NCKAP5: variants seen among roughly 807,000 people sequenced by gnomAD.
NCKAP5 encodes nck-associated protein 5.
Under a neutral mutation model 167.0 loss-of-function variants are expected in NCKAP5, and 92 were observed. The observed-to-expected ratio is 0.55, with a 90% confidence interval of 0.47 to 0.66. The LOEUF is 0.66. Among genes scored for constraint, NCKAP5 ranks in the 30% least tolerant of loss-of-function variants. The pLI is 0.00. For missense variants in NCKAP5, 2,378 were observed against 2,315.0 expected (o/e 1.03, Z -0.56); for synonymous variants, 891 against 877.4 (o/e 1.02, Z -0.27).
intron 6 of NCKAP5, among the ~76,000 whole-genome samples, chr2:133,035,335 C>G (rs1395571528): frequency 6.6e-6 from 1 of 151,974 alleles, no homozygotes; most frequent in African/African-American, 2.4e-5. Flanking sequence ...GCCCCACTTT[C>G]AGCAATGGAC....
chr2:133,425,676 T>C (rs536071715), intron 3 of NCKAP5, among the ~76,000 whole-genome samples: 2 of 152,306 alleles, frequency 1.3e-5, no homozygotes, highest in East Asian at 1.9e-4. Flanking sequence ...AAACAGAAGA[T>C]GCATATTATT....
At position 132,672,134 on chromosome 2, in the gene NCKAP5, A is replaced by C. The variant is rs1441266993; in HGVS notation, c.*1155T>G. On this transcript the variant is annotated 3_prime_UTR_variant, in exon 20 of 20. Coordinates refer to ENST00000409261, the MANE Select transcript of NCKAP5 (RefSeq NM_207363.3). ...TTTGTAGAAAAAAAAGGATATTAAA[A>C]AGAATTCTTCGTAGCACCATTAATT... 3 of 152,668 alleles carry C rather than the reference A, an allele frequency of 2.0e-5. No homozygotes were observed. Among genetic ancestry groups the C allele is most frequent in the Non-Finnish European group, 2.9e-5 (2 of 68,048 alleles). The allele number at this position is 152,668 out of a possible 1,614,324, so 9.5% of individuals were successfully genotyped here.
intron 2 of NCKAP5, among the ~76,000 whole-genome samples, chr2:133,537,680 C>T (rs924321206): frequency 3.3e-5 from 5 of 151,900 alleles, no homozygotes; most frequent in African/African-American, 1.2e-4. Flanking sequence ...TTGTTCTTTG[C>T]TTTAAAAGAT....
chr2:133,596,972 G>C, the NCKAP5 span, among the ~76,000 whole-genome samples: 2 of 152,186 alleles, frequency 1.3e-5, no homozygotes, highest in African/African-American at 4.8e-5. Flanking sequence ...GTTGCTGCAG[G>C]AGAGACAGAA....
intron 16 of NCKAP5, among the ~76,000 whole-genome samples, chr2:132,767,815 G>C (rs1681647742): frequency 6.6e-6 from 1 of 152,258 alleles, no homozygotes; most frequent in Non-Finnish European, 1.5e-5. Flanking sequence ...AGACAGGAGA[G>C]CCCCCTCCGG....
intron 3 of NCKAP5, among the ~76,000 whole-genome samples, chr2:133,383,822 C>T (rs927652093): frequency 1.1e-4 from 17 of 152,072 alleles, no homozygotes; most frequent in Non-Finnish European, 1.9e-4. Context: ...CCAGTGATGA[C>T]AAGCATTTTT....
intron 6 of NCKAP5, among the ~76,000 whole-genome samples, chr2:133,111,977 A>T (rs1371790367): frequency 6.6e-6 from 1 of 152,226 alleles, no homozygotes; most frequent in Non-Finnish European, 1.5e-5. Flanking sequence ...CAGGTAAATT[A>T]AAAGAATACA....
intron 6 of NCKAP5, among the ~76,000 whole-genome samples, chr2:133,069,221 T>A (rs753341780): frequency 2.0e-5 from 3 of 152,114 alleles, no homozygotes; most frequent in Non-Finnish European, 4.4e-5. Context: ...GAAAATAAAA[T>A]CCCTTCCAGC....
In NCKAP5 at chr2:132,782,908, G is replaced by C. The variant is rs770139573; in HGVS notation, c.3903C>G (p.Ile1301Met). Residue 1301 changes from isoleucine to methionine, a missense_variant, in exon 14 of 20, where the codon ATC becomes ATG. Physicochemically the swap from Ile to Met is conservative, Grantham distance 10. Around this residue, in one of 3 missense-constraint regions of NCKAP5, gnomAD observed 1,325 missense variants for 1,274.5 expected, o/e 1.04. Transcript: ENST00000409261. ...IEGSGKVRTQ[I>M]ITNTAERGNS... ...TGCCTCTCTCGGCGGTATTGGTAATGATCTGAGTGCGGACTTTGCCTGACC... is the reference window on the plus strand; with the variant it reads ...TGCCTCTCTCGGCGGTATTGGTAATCATCTGAGTGCGGACTTTGCCTGACC... The C allele has an allele frequency of 6.2e-7, 1 of 1,614,022 alleles. No homozygotes were observed. The highest frequency in any genetic ancestry group is 1.1e-5 in the South Asian group (1 of 91,076).
chr2:132,868,744 T>C (rs919419141), intron 10 of NCKAP5, among the ~76,000 whole-genome samples, 192 bp downstream of exon 10: 6 of 152,246 alleles, frequency 3.9e-5, no homozygotes, highest in African/African-American at 1.2e-4. Context: ...ACCGAAAGTT[T>C]GGATTTTTTA....
intron 3 of NCKAP5, among the ~76,000 whole-genome samples, chr2:133,370,359 G>A (rs1685718860): frequency 6.6e-6 from 1 of 152,178 alleles, no homozygotes; most frequent in Non-Finnish European, 1.5e-5. Flanking sequence ...TCATGTAAAA[G>A]TGGATATGAG....
chr2:133,646,058 G>A, the NCKAP5 span, among the ~76,000 whole-genome samples: 3 of 151,992 alleles, frequency 2.0e-5, no homozygotes, highest in Admixed American at 1.3e-4. Flanking sequence ...TGCTCTATGT[G>A]TGTCTATGTA....
chr2:133,648,713 C>T, the NCKAP5 span, among the ~76,000 whole-genome samples: 2 of 151,708 alleles, frequency 1.3e-5, no homozygotes, highest in African/African-American at 4.8e-5. Flanking sequence ...AAAACACACA[C>T]ACAACATGCC....
At chr2:132,972,753 C>A (rs896942390) in intron 7 of NCKAP5, among the ~76,000 whole-genome samples, 1 of 151,498 alleles carries the variant, frequency 6.6e-6, no homozygotes, top group South Asian at 2.1e-4. Flanking sequence ...GTCCCAGCTA[C>A]TTTGGAGGCT....
chr2:133,156,176 A>G (rs1207747811), intron 5 of NCKAP5, among the ~76,000 whole-genome samples: 1 of 152,174 alleles, frequency 6.6e-6, no homozygotes, highest in East Asian at 1.9e-4. Flanking sequence ...ACTCTTTGGT[A>G]CAATGCACCT....
At chr2:133,062,825 T>C (rs2080052837) in intron 6 of NCKAP5, among the ~76,000 whole-genome samples, 1 of 152,190 alleles carries the variant, frequency 6.6e-6, no homozygotes, top group South Asian at 2.1e-4. Context: ...ACTTACAATG[T>C]TTACATAGAA....
At chr2:133,658,471 A>G in the NCKAP5 span, among the ~76,000 whole-genome samples, 1 of 152,152 alleles carries the variant, frequency 6.6e-6, no homozygotes, top group Non-Finnish European at 1.5e-5. Flanking sequence ...AAAGAAAGCA[A>G]CTGGAATATC....
intron 11 of NCKAP5, among the ~76,000 whole-genome samples, chr2:132,798,285 A>G (rs1684762179): frequency 6.6e-6 from 1 of 152,104 alleles, no homozygotes. Flanking sequence ...ACCCGACAAA[A>G]TACATCATAC....
intron 5 of NCKAP5, among the ~76,000 whole-genome samples, chr2:133,211,940 A>C (rs2086227738): frequency 6.6e-6 from 1 of 152,212 alleles, no homozygotes; most frequent in African/African-American, 2.4e-5. Flanking sequence ...TTTCAACTCA[A>C]GTACATTCAA....
Sources: gnomAD v4.1 joint callset for allele counts (sites outside exome capture counted in the v4.1 genomes callset) on GRCh38, gnomAD v4.1.1 for gene constraint, gnomAD v4.1.1 regional missense constraint, MANE v1.5 for transcripts, NCBI Gene and HGNC (gene_info 2026-07-23, HGNC 2026-07-21) for gene names.